TNFSF4: variants seen among roughly 807,000 people sequenced by gnomAD.
The protein encoded by TNFSF4 is tumor necrosis factor ligand superfamily member 4.
In TNFSF4, 4 loss-of-function variants were observed where a neutral mutation model predicts 7.3. The observed-to-expected ratio is 0.55, with a 90% confidence interval of 0.27 to 1.25. The LOEUF is 1.25. TNFSF4 is among the 50% of genes most tolerant of loss of function. The probability of loss-of-function intolerance (pLI) is 0.12; values close to 1 mark genes in which losing one functional copy is unlikely to be tolerated. For missense variants in TNFSF4, 181 were observed against 208.8 expected, an observed-to-expected ratio of 0.87 and a Z score of 0.82; for synonymous variants, 76 against 83.7, an observed-to-expected ratio of 0.91 and a Z score of 0.50.
At chr1:173,428,508 T>C in the TNFSF4 span, among the ~76,000 whole-genome samples, 1 of 152,202 alleles carries the variant, frequency 6.6e-6, no homozygotes, top group South Asian at 2.1e-4. Flanking sequence ...CCAACTATAA[T>C]ATGTGCAGCT....
the TNFSF4 span, among the ~76,000 whole-genome samples, chr1:173,244,030 C>T: frequency 7.2e-5 from 11 of 152,274 alleles, no homozygotes; most frequent in East Asian, 2.1e-3. Context: ...CCCTTCATAG[C>T]CACGTTTTCT....
chr1:173,329,073 T>C, the TNFSF4 span, among the ~76,000 whole-genome samples: 1 of 152,174 alleles, frequency 6.6e-6, no homozygotes, highest in Non-Finnish European at 1.5e-5. Context: ...AAGTATAGGG[T>C]ATCTACTAAA....
At chr1:173,373,225 AG>A in the TNFSF4 span, among the ~76,000 whole-genome samples, 1 of 152,234 alleles carries the variant, frequency 6.6e-6, no homozygotes, top group African/African-American at 2.4e-5. Context: ...CAAAAACCCA[AG>A]GAGGTGGCAG....
chr1:173,395,419 T>TATATATATATA, the TNFSF4 span, among the ~76,000 whole-genome samples: 2 of 116,854 alleles, frequency 1.7e-5, no homozygotes, highest in African/African-American at 3.2e-5. Flanking sequence ...TATATATATA[T>TATATATATATA]GGAGAGAGAG....
chr1:173,357,886 C>T, the TNFSF4 span, among the ~76,000 whole-genome samples: 1 of 152,180 alleles, frequency 6.6e-6, no homozygotes, highest in African/African-American at 2.4e-5. Context: ...ATAAGAATAA[C>T]ACACACTATA....
chr1:173,271,808 G>A, the TNFSF4 span, among the ~76,000 whole-genome samples: 3 of 152,262 alleles, frequency 2.0e-5, no homozygotes, highest in East Asian at 5.8e-4. Context: ...CAAGGATCTA[G>A]AACTAGAAAT....
chr1:173,228,005 TG>T, the TNFSF4 span, among the ~76,000 whole-genome samples: 1 of 152,188 alleles, frequency 6.6e-6, no homozygotes, highest in Non-Finnish European at 1.5e-5. Context: ...ACTCCACCTC[TG>T]GGGGCGGGGC....
the TNFSF4 span, among the ~76,000 whole-genome samples, chr1:173,270,135 G>A: frequency 6.6e-6 from 1 of 152,156 alleles, no homozygotes; most frequent in Non-Finnish European, 1.5e-5. Flanking sequence ...TGGAAAAATA[G>A]AGTTGCCCTA....
the TNFSF4 span, among the ~76,000 whole-genome samples, chr1:173,384,554 G>A: frequency 6.6e-6 from 1 of 151,936 alleles, no homozygotes; most frequent in African/African-American, 2.4e-5. Flanking sequence ...TTCTCTTCAT[G>A]ACCCTGACCC....
chr1:173,319,812 C>T, the TNFSF4 span, among the ~76,000 whole-genome samples: 3 of 152,266 alleles, frequency 2.0e-5, no homozygotes, highest in Non-Finnish European at 2.9e-5. Context: ...ACAGCAACAC[C>T]AACAAAGAAG....
chr1:173,397,185 T>C, the TNFSF4 span, among the ~76,000 whole-genome samples: 3 of 152,160 alleles, frequency 2.0e-5, no homozygotes, highest in African/African-American at 7.2e-5. Context: ...GCAGAAAAGT[T>C]CTAGGTTAAG....
the TNFSF4 span, among the ~76,000 whole-genome samples, chr1:173,305,528 C>T: frequency 6.6e-6 from 1 of 151,804 alleles, no homozygotes; most frequent in East Asian, 1.9e-4. Flanking sequence ...ATCATTCAAC[C>T]AGTTTCTTGA....
At chr1:173,334,927 G>T in the TNFSF4 span, among the ~76,000 whole-genome samples, 2 of 152,078 alleles carry the variant, frequency 1.3e-5, no homozygotes, top group Non-Finnish European at 2.9e-5. Flanking sequence ...AGAGGAGGTG[G>T]TGTGCACTCC....
chr1:173,430,037 G>T, the TNFSF4 span, among the ~76,000 whole-genome samples: 1 of 152,050 alleles, frequency 6.6e-6, no homozygotes, highest in Non-Finnish European at 1.5e-5. Flanking sequence ...AGTGTGTAGG[G>T]CCTCGCCCAC....
chr1:173,429,992 T>C, the TNFSF4 span, among the ~76,000 whole-genome samples: 30 of 152,320 alleles, frequency 2.0e-4, no homozygotes, highest in African/African-American at 7.0e-4. Flanking sequence ...AGTGCTATCC[T>C]TTATTTTTAA....
At chr1:173,199,861 AG>A (rs1193195762) in intron 1 of TNFSF4, among the ~76,000 whole-genome samples, 1 of 152,204 alleles carries the variant, frequency 6.6e-6, no homozygotes, top group Admixed American at 6.5e-5. Context: ...AAAAATGCAG[AG>A]GAAAGTAAGA....
chr1:173,281,017 T>C, the TNFSF4 span, among the ~76,000 whole-genome samples: 1 of 152,088 alleles, frequency 6.6e-6, no homozygotes, highest in African/African-American at 2.4e-5. Flanking sequence ...AAAAGAGGCT[T>C]TAAAGTCAAG....
At chr1:173,234,743 A>G in the TNFSF4 span, among the ~76,000 whole-genome samples, 227 of 152,254 alleles carry the variant, frequency 1.5e-3, 1 homozygote, top group African/African-American at 5.2e-3. Context: ...GAATTGAACA[A>G]TGAGAACACT....
At chr1:173,358,924 A>C in the TNFSF4 span, among the ~76,000 whole-genome samples, 2 of 152,224 alleles carry the variant, frequency 1.3e-5, no homozygotes, top group Admixed American at 1.3e-4. Flanking sequence ...GAAGAAAAAT[A>C]AGAGATCTTT....
Sources: gnomAD v4.1 joint callset for allele counts (sites outside exome capture counted in the v4.1 genomes callset) on GRCh38, gnomAD v4.1.1 for gene constraint, MANE v1.5 for transcripts, NCBI Gene and HGNC (gene_info 2026-07-23, HGNC 2026-07-21) for gene names.